Variants in CTR9 observed in about 807,000 individuals in gnomAD.
CTR9 encodes the protein RNA polymerase-associated protein CTR9 homolog.
A neutral mutation model predicts 152.1 loss-of-function variants in CTR9; 41 were observed. The ratio of observed to expected loss-of-function variants is 0.27; its 90% CI spans 0.21 to 0.35. CTR9 has a LOEUF of 0.35. Among genes scored for constraint, CTR9 ranks in the 10% least tolerant of loss-of-function variants. The pLI is 1.00. For synonymous variants in CTR9, 476 were observed against 496.2 expected, an observed-to-expected ratio of 0.96 and a Z score of 0.54; for missense variants, 917 against 1,424.4, an observed-to-expected ratio of 0.64 and a Z score of 5.73.
intron 16 of CTR9, among the ~76,000 whole-genome samples, chr11:10,769,962 G>A (rs1231830078): frequency 6.6e-6 from 1 of 152,160 alleles, no homozygotes; most frequent in African/African-American, 2.4e-5. Flanking sequence ...TTCAATGTTG[G>A]TCCAAATTTC....
intron 16 of CTR9, among the ~76,000 whole-genome samples, chr11:10,769,194 C>G (rs1213190209): frequency 6.6e-6 from 1 of 151,964 alleles, no homozygotes; most frequent in Non-Finnish European, 1.5e-5. Context: ...TGCACTCTAG[C>G]CTGGGCGACA....
chr11:10,768,551 T>G, intron 16 of CTR9, 60 bp downstream of exon 16: 1 of 1,519,514 alleles, frequency 6.6e-7, no homozygotes, highest in Non-Finnish European at 8.8e-7. Context: ...AGATGTTTTC[T>G]TAGCCATTCT....
intron 2 of CTR9, among the ~76,000 whole-genome samples, chr11:10,754,079 C>T (rs888577951): frequency 1.3e-5 from 2 of 152,162 alleles, no homozygotes; most frequent in Non-Finnish European, 2.9e-5. Context: ...CTCTATTTTG[C>T]CCAGGCTAGA....
Position 10,754,951 on chromosome 11 carries a change from C to CT in CTR9, c.145-5dup, listed in dbSNP as rs779779772. The CT allele has an allele frequency of 1.2e-5, 19 of 1,611,954 alleles. No individual in the cohort carries two copies. The African/African-American group carries it at 2.1e-4, about 18-fold the overall frequency. Reference sequence around the variant, plus strand: ...TAGTGATTCTAATTTGTTTCATTACCTTATAGCTGGAATACTACAAGCAAG... The same window carrying CT: ...TAGTGATTCTAATTTGTTTCATTACCTTTATAGCTGGAATACTACAAGCAAG... On this transcript the variant is annotated splice_polypyrimidine_tract_variant and splice_region_variant and intron_variant, in intron 2 of 24. Transcript: ENST00000361367.
At chr11:10,755,325 A>G in intron 3 of CTR9, 128 bp downstream of exon 3, 2 of 1,124,452 alleles carry the variant, frequency 1.8e-6, no homozygotes, top group Non-Finnish European at 2.5e-6. Context: ...GTCAAAAAGA[A>G]GAAAGGTTCC....
intron 19 of CTR9, 136 bp downstream of exon 19, chr11:10,771,752 T>G: frequency 1.6e-6 from 1 of 606,658 alleles, no homozygotes; most frequent in Non-Finnish European, 3.0e-6. Context: ...GGGGACTCTC[T>G]AATCTTTGCC....
rs1862956258 is a variant in CTR9, at chr11:10,760,294, G to A, written c.714G>A (p.Leu238=). The A allele has an allele frequency of 6.2e-7, 1 of 1,613,936 alleles. No individual in the cohort carries two copies. The highest frequency in any genetic ancestry group is 8.5e-7 in the Non-Finnish European group (1 of 1,179,902). The change falls in exon 6 of 25, where the codon CTG becomes CTA. Residue 238 remains leucine, a synonymous_variant. Coordinates refer to ENST00000361367, the MANE Select transcript of CTR9 (RefSeq NM_014633.5). ...NSKCVGALVG[L]AVLELNNKEA... ...AATGCGTGGGAGCATTGGTTGGACT[G>A]GCTGTTCTAGAACTCAACAATAAAG...
At chr11:10,762,926 G>A (rs576519579) in intron 7 of CTR9, among the ~76,000 whole-genome samples, 4 of 151,502 alleles carry the variant, frequency 2.6e-5, no homozygotes, top group African/African-American at 9.7e-5. Context: ...GATCACTTGA[G>A]CCTGGGAGGT....
intron 5 of CTR9, among the ~76,000 whole-genome samples, chr11:10,759,931 A>G (rs1862950384): frequency 6.6e-6 from 1 of 152,220 alleles, no homozygotes; most frequent in Non-Finnish European, 1.5e-5. Context: ...GAATACCAGT[A>G]TTATAGGTGT....
rs561449080 is a variant in CTR9 at position 10,764,108 on chromosome 11, C to G, written c.1195-4C>G. 1.2e-6 allele frequency: 2 copies of G among 1,613,712 alleles called. No individual in the cohort carries two copies. Among genetic ancestry groups the G allele is most frequent in the Non-Finnish European group, 1.7e-6 (2 of 1,179,714 alleles). ...CTTCAGCTTAACAATCTCTTTTATCCCAGGGCCATTTGAAGAAGGTCACAG... is the reference window on the plus strand; with the variant it reads ...CTTCAGCTTAACAATCTCTTTTATCGCAGGGCCATTTGAAGAAGGTCACAG... On this transcript the variant is annotated splice_region_variant and splice_polypyrimidine_tract_variant and intron_variant, in intron 9 of 24. Coordinates refer to ENST00000361367, the MANE Select transcript of CTR9 (RefSeq NM_014633.5).
chr11:10,756,020 A>C (rs187841605), intron 4 of CTR9, among the ~76,000 whole-genome samples: 3 of 152,344 alleles, frequency 2.0e-5, no homozygotes, highest in Admixed American at 2.0e-4. Context: ...GTATAATCTC[A>C]GCACTTTGAG....
At chr11:10,770,368 A>T (rs758377056) in intron 17 of CTR9, 42 bp downstream of exon 17, 1 of 1,592,188 alleles carries the variant, frequency 6.3e-7, no homozygotes, top group Non-Finnish European at 8.6e-7. Context: ...TCTGTGCTAC[A>T]TTGTATTTTT....
chr11:10,754,610 C>CTT (rs768086502), intron 2 of CTR9, among the ~76,000 whole-genome samples: 1 of 152,192 alleles, frequency 6.6e-6, no homozygotes, highest in Non-Finnish European at 1.5e-5. Flanking sequence ...GCCAGACAAC[C>CTT]ACTGGTCTGC....
Position 10,751,405 on chromosome 11 carries a change from A to T in CTR9, c.-8A>T. The T allele has an allele frequency of 6.2e-7, 1 of 1,611,436 alleles. No individual in the cohort carries two copies. Among genetic ancestry groups the T allele is most frequent in the Non-Finnish European group, 8.5e-7 (1 of 1,179,890 alleles). On this transcript the variant is annotated 5_prime_UTR_variant, in exon 1 of 25. Coordinates refer to ENST00000361367, the MANE Select transcript of CTR9 (RefSeq NM_014633.5). Reference sequence around the variant, plus strand: ...GGGCGAGACACTTGCTCGCCTTTTGACCCCATCATGTCGCGGGGCTCCATC... The same window carrying T: ...GGGCGAGACACTTGCTCGCCTTTTGTCCCCATCATGTCGCGGGGCTCCATC...
At chr11:10,771,519 G>C in intron 18 of CTR9, 26 bp from the exon 19 acceptor site, 1 of 1,446,260 alleles carries the variant, frequency 6.9e-7, no homozygotes, top group Non-Finnish European at 9.7e-7. Flanking sequence ...TTTTTTAAAA[G>C]TGAAGTATTT....
chr11:10,760,344 T>C, intron 6 of CTR9, 23 bp downstream of exon 6: 17 of 1,603,146 alleles, frequency 1.1e-5, no homozygotes, highest in Non-Finnish European at 1.5e-5. Flanking sequence ...AAAAAGTATC[T>C]AGCTCCTAAC....
intron 24 of CTR9, among the ~76,000 whole-genome samples, chr11:10,776,168 C>A (rs1382321097): frequency 6.6e-6 from 1 of 152,184 alleles, no homozygotes; most frequent in African/African-American, 2.4e-5. Flanking sequence ...TTACCGCAAC[C>A]TCCACCTTCC....
rs1456118152 is a variant in CTR9 at position 10,767,066 on chromosome 11, A to G, written c.1686+576A>G. 6.6e-6 allele frequency: 1 copy of G among 152,648 alleles called. No individual in the cohort carries two copies. The highest frequency in any genetic ancestry group is 1.5e-5 in the Non-Finnish European group (1 of 68,216). 9.5% of individuals were successfully genotyped at this position (152,648 alleles called of 1,614,324 possible). A position where few individuals can be genotyped will look rare whatever the true frequency, so the allele number is the denominator to read the frequency against. ...ATTCTGTTGCATTTACTATGCAGAT[A>G]ACTAAAGACTAACTAAATGGATTTT... On this transcript the variant is annotated intron_variant, in intron 13 of 24. Coordinates refer to ENST00000361367, the MANE Select transcript of CTR9 (RefSeq NM_014633.5). This position sits in a 1 kb window ranked among gnomAD's most constrained non-coding sequence, Gnocchi z 4.0.
At chr11:10,773,294 G>A in intron 21 of CTR9, 21 bp downstream of exon 21, 1 of 1,605,500 alleles carries the variant, frequency 6.2e-7, no homozygotes, top group Non-Finnish European at 8.5e-7. Context: ...ATTCCTGCTA[G>A]CACAAGTGAC....
Sources: allele counts gnomAD v4.1 joint callset (sites outside exome capture counted in the v4.1 genomes callset), GRCh38; gene constraint gnomAD v4.1.1; non-coding constraint Gnocchi (gnomAD v3.1); transcripts MANE v1.5; gene names NCBI Gene and HGNC (gene_info 2026-07-23, HGNC 2026-07-21).